CCDC148: variants seen among roughly 807,000 people sequenced by gnomAD.
CCDC148 encodes coiled-coil domain-containing protein 148.
In CCDC148, 89 loss-of-function variants were observed where a neutral mutation model predicts 85.7. The ratio of observed to expected loss-of-function variants is 1.04; its 90% CI spans 0.87 to 1.24. The LOEUF is 1.24. Ranked by LOEUF, CCDC148 falls within the 50% of genes most tolerant of loss-of-function variation. The pLI, the probability that CCDC148 is intolerant of heterozygous loss-of-function variation, is 0.00. For synonymous variants in CCDC148, 230 were observed against 213.9 expected, an observed-to-expected ratio of 1.08 and a Z score of -0.66; for missense variants, 692 against 671.7, an observed-to-expected ratio of 1.03 and a Z score of -0.33.
chr2:158,419,248 T>G (rs781451728), intron 1 of CCDC148, among the ~76,000 whole-genome samples: 11 of 152,172 alleles, frequency 7.2e-5, no homozygotes, highest in Non-Finnish European at 1.5e-4. Context: ...TGCCTAATTT[T>G]AAAAAGTCAT....
At chr2:158,361,051 G>A (rs1253384795) in intron 1 of CCDC148, among the ~76,000 whole-genome samples, 1 of 151,402 alleles carries the variant, frequency 6.6e-6, no homozygotes, top group Non-Finnish European at 1.5e-5. Flanking sequence ...TAGCTAAATC[G>A]ATCAAGCAGA....
chr2:158,358,054 AAG>A (rs1447053234), intron 2 of CCDC148, among the ~76,000 whole-genome samples: 2 of 152,190 alleles, frequency 1.3e-5, no homozygotes, highest in African/African-American at 4.8e-5. Context: ...AATTCTAGAA[AAG>A]AGAGCACCTG....
intron 11 of CCDC148, among the ~76,000 whole-genome samples, chr2:158,215,299 A>G (rs549220948): frequency 6.2e-4 from 95 of 152,288 alleles, no homozygotes; most frequent in Admixed American, 2.0e-3. Flanking sequence ...AATATGAATA[A>G]TATATACTAT....
chr2:158,285,825 C>G (rs370377234), intron 9 of CCDC148, among the ~76,000 whole-genome samples: 1 of 151,908 alleles, frequency 6.6e-6, no homozygotes. Context: ...AGTGAGCCAC[C>G]GCGCCCAGCC....
chr2:158,180,771 AAGGAGAGACAC>A (rs1684859963), intron 11 of CCDC148, among the ~76,000 whole-genome samples: 1 of 152,088 alleles, frequency 6.6e-6, no homozygotes, highest in South Asian at 2.1e-4. Flanking sequence ...TCTGTCATGA[AAGGAGAGACAC>A]AGGAGAGGAA....
chr2:158,456,326 T>A (rs1417284809), intron 1 of CCDC148, 89 bp downstream of exon 1: 2 of 1,333,772 alleles, frequency 1.5e-6, no homozygotes, highest in Non-Finnish European at 2.1e-6. Flanking sequence ...GAAGGGGGAG[T>A]GGCTGCAGAG....
chr2:158,334,203 G>T (rs540987327), intron 7 of CCDC148, among the ~76,000 whole-genome samples: 64 of 152,202 alleles, frequency 4.2e-4, no homozygotes, highest in African/African-American at 1.5e-3. Flanking sequence ...ATGAATTATG[G>T]TTCAGGGTTT....
chr2:158,358,925 G>A (rs1302448735), intron 1 of CCDC148, among the ~76,000 whole-genome samples: 2 of 152,058 alleles, frequency 1.3e-5, no homozygotes, highest in East Asian at 1.9e-4. Context: ...GACATCAACT[G>A]TGAATATTAA....
chr2:158,364,851 A>G (rs1169013529), intron 1 of CCDC148, among the ~76,000 whole-genome samples: 1 of 152,234 alleles, frequency 6.6e-6, no homozygotes, highest in Non-Finnish European at 1.5e-5. Flanking sequence ...ACAGCAAAAG[A>G]AACTATCATC....
chr2:158,255,097 C>A (rs558139636), intron 9 of CCDC148, among the ~76,000 whole-genome samples: 1 of 150,148 alleles, frequency 6.7e-6, no homozygotes, highest in Admixed American at 6.7e-5. Flanking sequence ...GTTTGTAGAT[C>A]TTAATACAAG....
At chr2:158,287,704 C>T (rs140602399) in intron 9 of CCDC148, among the ~76,000 whole-genome samples, 4 of 152,320 alleles carry the variant, frequency 2.6e-5, no homozygotes, top group African/African-American at 9.6e-5. Context: ...GCTGCTTTCA[C>T]GGGCTGGCAT....
chr2:158,301,376 C>A (rs1156460995), intron 9 of CCDC148, among the ~76,000 whole-genome samples: 1 of 152,174 alleles, frequency 6.6e-6, no homozygotes, highest in Middle Eastern at 3.2e-3. Flanking sequence ...GTAAGAAGTG[C>A]AAATTTACCA....
chr2:158,249,508 A>G (rs981784980), intron 10 of CCDC148, among the ~76,000 whole-genome samples: 2 of 152,122 alleles, frequency 1.3e-5, no homozygotes, highest in Admixed American at 1.3e-4. Context: ...ACTTCCTTAG[A>G]AGCAGAAATC....
intron 7 of CCDC148, among the ~76,000 whole-genome samples, chr2:158,330,963 C>A (rs1448890735): frequency 6.6e-6 from 1 of 152,052 alleles, no homozygotes; most frequent in African/African-American, 2.4e-5. Flanking sequence ...AAAACAAGCT[C>A]CTGGATTCAT....
intron 9 of CCDC148, among the ~76,000 whole-genome samples, chr2:158,297,569 T>A (rs1244026600): frequency 6.6e-6 from 1 of 152,144 alleles, no homozygotes; most frequent in Non-Finnish European, 1.5e-5. Context: ...CAAAATAGCA[T>A]AGCAGGACCC....
chr2:158,309,843 A>G (rs1458757271), intron 8 of CCDC148, among the ~76,000 whole-genome samples: 1 of 152,228 alleles, frequency 6.6e-6, no homozygotes, highest in Non-Finnish European at 1.5e-5. Flanking sequence ...GACTGAGGAC[A>G]AGTCATTTAA....
At chr2:158,266,524 G>A (rs1037293819) in intron 9 of CCDC148, among the ~76,000 whole-genome samples, 3 of 152,048 alleles carry the variant, frequency 2.0e-5, no homozygotes, top group African/African-American at 4.8e-5. Context: ...CTGGCTACAC[G>A]AATAAGTTCT....
Position 158,353,668 on chromosome 2 carries a change from G to C in CCDC148, c.147+4781C>G, listed in dbSNP as rs192208709. ...CCACTGTCAACATTAGACAGATCAA[G>C]GAGACAGAAAGTCAACAAGGACACC... is the stretch of plus-strand genomic sequence containing the variant. On this transcript the variant is annotated intron_variant, in intron 2 of 13. Transcript: ENST00000283233. Among the ~76,000 whole-genome samples, 764 of 152,136 alleles carry C rather than the reference G, an allele frequency of 5.0e-3. 16 individuals carry two copies. The highest frequency in any genetic ancestry group is 3.8e-3 in the Non-Finnish European group (259 of 67,990).
chr2:158,188,672 C>T (rs531188072), intron 11 of CCDC148, among the ~76,000 whole-genome samples: 13 of 152,064 alleles, frequency 8.5e-5, no homozygotes, highest in Non-Finnish European at 1.5e-4. Context: ...CTTTTCTATA[C>T]ATTGGCCTAG....
Sources: gnomAD v4.1 joint callset for allele counts (sites outside exome capture counted in the v4.1 genomes callset) on GRCh38, gnomAD v4.1.1 for gene constraint, MANE v1.5 for transcripts, NCBI Gene and HGNC (gene_info 2026-07-23, HGNC 2026-07-21) for gene names.